KIT: variants seen among roughly 807,000 people sequenced by gnomAD.
The protein encoded by KIT is mast/stem cell growth factor receptor Kit.
Under a neutral mutation model 105.7 loss-of-function variants are expected in KIT, and 16 were observed. That is an observed-to-expected ratio of 0.15 (90% CI 0.10 to 0.23). KIT has a LOEUF of 0.23. Among genes scored for constraint, KIT ranks in the 10% least tolerant of loss-of-function variants. The pLI, the probability that KIT is intolerant of heterozygous loss-of-function variation, is 1.00. For missense variants in KIT, 858 were observed against 1,213.8 expected, an observed-to-expected ratio of 0.71 and a Z score of 4.36; for synonymous variants, 438 against 441.1, an observed-to-expected ratio of 0.99 and a Z score of 0.09.
chr4:54,732,676 G>A (rs1446943596), intron 16 of KIT, among the ~76,000 whole-genome samples: 1 of 152,114 alleles, frequency 6.6e-6, no homozygotes, highest in Non-Finnish European at 1.5e-5. Context: ...CTTCTTCCGT[G>A]TGTCCTTGGG....
rs121913679 is a variant in KIT at position 54,728,121 on chromosome 4, G to A, written c.1990G>A (p.Gly664Arg). Reference protein sequence around the residue: ...VNLLGACTIGGPTLVITEYCC... With the variant: ...VNLLGACTIGRPTLVITEYCC... ...TCTACTTGGAGCCTGCACCATTGGA[G>A]GTAAAGCCGTGTCCAAGCTGCCTTT... Residue 664 changes from glycine (G) to arginine (R), a missense_variant and splice_region_variant, in exon 13 of 21, where the codon GGG (glycine) becomes AGG (arginine). Transcript: ENST00000288135. 1.2e-6 allele frequency: 2 copies of A among 1,602,622 alleles called. No individual in the cohort carries two copies. The highest frequency in any genetic ancestry group is 8.5e-7 in the Non-Finnish European group (1 of 1,169,630).
intron 1 of KIT, among the ~76,000 whole-genome samples, chr4:54,693,105 T>G (rs781567347): frequency 6.6e-6 from 1 of 152,230 alleles, no homozygotes; most frequent in Non-Finnish European, 1.5e-5. Context: ...ATTTCTGTCT[T>G]GTACTGCCAG....
At chr4:54,726,107 G>A (rs995912163) in intron 9 of KIT, 57 bp downstream of exon 9, 3 of 1,402,296 alleles carry the variant, frequency 2.1e-6, no homozygotes, top group Non-Finnish European at 2.0e-6. Flanking sequence ...TACCATATCA[G>A]TCATGATTTT....
At chr4:54,675,080 A>G (rs1184588645) in intron 1 of KIT, among the ~76,000 whole-genome samples, 1 of 152,202 alleles carries the variant, frequency 6.6e-6, no homozygotes, top group Non-Finnish European at 1.5e-5. Flanking sequence ...AGGGATTGAC[A>G]TGATATTAAT....
Position 54,695,597 on chromosome 4 carries a change from C to G in KIT, c.153C>G (p.Gly51=), listed in dbSNP as rs147363921. 1.9e-6 allele frequency: 3 copies of G among 1,613,992 alleles called. No homozygotes were observed. Residue 51 remains glycine, a synonymous_variant, in exon 2 of 21, where the codon GGC becomes GGG. Coordinates refer to ENST00000288135, the MANE Select transcript of KIT (RefSeq NM_000222.3). ...AATCAGACTTAATAGTCCGCGTGGG[C>G]GACGAGATTAGGCTGTTATGCACTG... ...PGKSDLIVRV[G]DEIRLLCTDP...
rs2109714668 is a variant in KIT at position 54,709,550 on chromosome 4, T to C, written c.1231+11T>C. On this transcript the variant is annotated intron_variant, in intron 7 of 20. Transcript: ENST00000288135. Reference sequence around the variant, plus strand: ...ATGTTTATGTGAATAGTAAGTAACATGAAGGGCTCCTTTTAATTTTTTATT... The same window carrying C: ...ATGTTTATGTGAATAGTAAGTAACACGAAGGGCTCCTTTTAATTTTTTATT... 4.0e-6 allele frequency: 6 copies of C among 1,483,558 alleles called. No homozygotes were observed. Among genetic ancestry groups the C allele is most frequent in the Non-Finnish European group, 4.7e-6 (5 of 1,060,938 alleles). 91.9% of individuals were successfully genotyped at this position (1,483,558 alleles called of 1,614,324 possible).
At chr4:54,713,408 T>A (rs913028146) in intron 7 of KIT, among the ~76,000 whole-genome samples, 1 of 152,192 alleles carries the variant, frequency 6.6e-6, no homozygotes, top group Non-Finnish European at 1.5e-5. Context: ...AAACTTAGAA[T>A]AGTTGTGGCC....
At chr4:54,709,306 A>T (rs1720989050) in intron 6 of KIT, 118 bp from the exon 7 acceptor site, 1 of 725,478 alleles carries the variant, frequency 1.4e-6, no homozygotes, top group Admixed American at 2.1e-5. Context: ...TACTTACTGA[A>T]TTAAATGAGT....
At chr4:54,724,292 T>G (rs1031707525) in intron 8 of KIT, among the ~76,000 whole-genome samples, 12 of 152,198 alleles carry the variant, frequency 7.9e-5, no homozygotes, top group African/African-American at 2.7e-4. Context: ...ACCACAGCTG[T>G]TTTTATCCAT....
intron 1 of KIT, among the ~76,000 whole-genome samples, chr4:54,690,054 T>TG (rs1222624559): frequency 2.0e-4 from 23 of 113,512 alleles, no homozygotes; most frequent in African/African-American, 9.0e-4. Context: ...TTACTTTTTT[T>TG]TTGTGGGGGG....
chr4:54,681,855 C>T (rs149347344), intron 1 of KIT, among the ~76,000 whole-genome samples: 316 of 152,008 alleles, frequency 2.1e-3, no homozygotes, highest in Middle Eastern at 3.4e-3. Context: ...GCCTGGCCAA[C>T]GTGGCGAAAA....
intron 1 of KIT, among the ~76,000 whole-genome samples, chr4:54,694,046 T>C (rs895281901): frequency 1.4e-4 from 21 of 152,280 alleles, no homozygotes; most frequent in East Asian, 3.9e-4. Context: ...AAAACCTAAA[T>C]TGAATCTACA....
At chr4:54,736,910 AAC>A in intron 19 of KIT, 90 bp downstream of exon 19, 4 of 946,062 alleles carry the variant, frequency 4.2e-6, no homozygotes, top group South Asian at 2.7e-5. Flanking sequence ...GGGTTTTCAT[AAC>A]ACAGTTTGAA....
intron 17 of KIT, among the ~76,000 whole-genome samples, chr4:54,733,820 A>G (rs1722749964): frequency 1.3e-5 from 2 of 152,180 alleles, no homozygotes; most frequent in African/African-American, 4.8e-5. Flanking sequence ...ATCTGAGGTG[A>G]CACAGGACAA....
chr4:54,662,266 G>A (rs1490676332), intron 1 of KIT, among the ~76,000 whole-genome samples: 2 of 152,186 alleles, frequency 1.3e-5, no homozygotes, highest in Non-Finnish European at 2.9e-5. Context: ...GGCCTACCTT[G>A]TGTTGGTCTG....
Position 54,703,743 on chromosome 4 carries a change from A to G in KIT, c.776A>G (p.Tyr259Cys), listed in dbSNP as rs200422460. ...ENSQTKLQEK[Y>C]NSWHHGDFNY... ...CAGCAGACTAAACTACAGGAGAAATATAATAGCTGGCATCACGGTGACTTC... is the reference window on the plus strand; with the variant it reads ...CAGCAGACTAAACTACAGGAGAAATGTAATAGCTGGCATCACGGTGACTTC... Residue 259 changes from tyrosine to cysteine, a missense_variant, in exon 5 of 21, where the codon TAT (tyrosine) becomes TGT (cysteine). Physicochemically the swap from Tyr to Cys is radical, Grantham distance 194. This residue lies in a region of KIT where 401 missense variants were observed against 601.0 expected (regional missense o/e 0.67). Transcript: ENST00000288135. 1.2e-6 allele frequency: 2 copies of G among 1,613,718 alleles called. No individual in the cohort carries two copies. Among genetic ancestry groups the G allele is most frequent in the Non-Finnish European group, 8.5e-7 (1 of 1,179,768 alleles).
At chr4:54,732,257 T>C (rs571834741) in intron 16 of KIT, among the ~76,000 whole-genome samples, 33 of 152,242 alleles carry the variant, frequency 2.2e-4, no homozygotes, top group Non-Finnish European at 3.5e-4. Flanking sequence ...TTCTTTTATA[T>C]GCAGTGAAAT....
intron 5 of KIT, among the ~76,000 whole-genome samples, chr4:54,705,772 C>T (rs1240337458): frequency 1.3e-5 from 2 of 152,008 alleles, no homozygotes; most frequent in Non-Finnish European, 2.9e-5. Flanking sequence ...GTTGCAGCTA[C>T]TTGGGAGGCT....
intron 7 of KIT, among the ~76,000 whole-genome samples, chr4:54,717,057 TTGAAA>T (rs1721547362): frequency 6.6e-6 from 1 of 152,252 alleles, no homozygotes; most frequent in South Asian, 2.1e-4. Flanking sequence ...GTTCCTGAAC[TTGAAA>T]TGAGTTTTTG....
Sources: gnomAD v4.1 joint callset for allele counts (sites outside exome capture counted in the v4.1 genomes callset) on GRCh38, gnomAD v4.1.1 for gene constraint, gnomAD v4.1.1 regional missense constraint, MANE v1.5 for transcripts, NCBI Gene and HGNC (gene_info 2026-07-23, HGNC 2026-07-21) for gene names.